The following ATP9A variants were observed in gnomAD, a reference collection of about 807,000 sequenced individuals.
ATP9A encodes the protein ATPase phospholipid transporting 9A.
Under a neutral mutation model 144.1 loss-of-function variants are expected in ATP9A, and 52 were observed. The ratio of observed to expected loss-of-function variants is 0.36; its 90% CI spans 0.29 to 0.45. ATP9A has a LOEUF of 0.45. Among genes scored for constraint, ATP9A ranks in the 20% least tolerant of loss-of-function variants. The pLI is 1.00. For missense variants in ATP9A, 947 were observed against 1,392.7 expected (o/e 0.68, Z 5.09); for synonymous variants, 582 against 557.4 (o/e 1.04, Z -0.62).
chr20:51,726,889 C>CTTTTTTTTTTTTTTTTTTTTTTTTTTTTT, intron 2 of ATP9A, among the ~76,000 whole-genome samples: 1 of 93,984 alleles, frequency 1.1e-5, no homozygotes, highest in Non-Finnish European at 2.0e-5. Flanking sequence ...TGTGTTATTT[C>CTTTTTTTTTTTTTTTTTTTTTTTTTTTTT]TTTTTTTTTT....
At chr20:51,670,235 G>A in intron 12 of ATP9A, 126 bp from the exon 13 acceptor site, 1 of 698,318 alleles carries the variant, frequency 1.4e-6, no homozygotes, top group East Asian at 2.7e-5. Flanking sequence ...TACTGTCCCT[G>A]CTGGGGAAGA....
At chr20:51,638,538 C>A (rs73910794) in intron 15 of ATP9A, among the ~76,000 whole-genome samples, 3,334 of 152,040 alleles carry the variant, frequency 0.022, 66 homozygotes, top group African/African-American at 0.052. Context: ...AGCCTCCCCA[C>A]GACGGAAAGT....
chr20:51,606,662 G>A (rs918207590), intron 26 of ATP9A, among the ~76,000 whole-genome samples: 1 of 152,204 alleles, frequency 6.6e-6, no homozygotes, highest in Non-Finnish European at 1.5e-5. Flanking sequence ...CACAGCATGA[G>A]GTCATCTTGC....
chr20:51,696,238 G>A, intron 5 of ATP9A, 94 bp from the exon 6 acceptor site: 5 of 1,107,492 alleles, frequency 4.5e-6, no homozygotes, highest in Non-Finnish European at 5.4e-6. Flanking sequence ...CAACCCCTCG[G>A]TGGGTTGGGG....
intron 13 of ATP9A, among the ~76,000 whole-genome samples, chr20:51,661,481 A>G (rs1283568648): frequency 6.8e-6 from 1 of 146,946 alleles, no homozygotes; most frequent in Non-Finnish European, 1.5e-5. Flanking sequence ...CTCCCACCTC[A>G]GCCTTCTGAA....
At chr20:51,673,158 G>A (rs971749444) in intron 11 of ATP9A, among the ~76,000 whole-genome samples, 2 of 152,118 alleles carry the variant, frequency 1.3e-5, no homozygotes, top group East Asian at 3.8e-4. Flanking sequence ...TGGATCACTT[G>A]AGGTCAGGAG....
At chr20:51,682,577 CTTTTTTT>C (rs60505207) in intron 9 of ATP9A, among the ~76,000 whole-genome samples, 22 of 35,082 alleles carry the variant, frequency 6.3e-4, no homozygotes, top group East Asian at 2.0e-3. Context: ...TTCACTGTAT[CTTTTTTT>C]TTTTTTTTTT....
At chr20:51,681,332 C>A (rs2077498745) in intron 9 of ATP9A, among the ~76,000 whole-genome samples, 1 of 152,174 alleles carries the variant, frequency 6.6e-6, no homozygotes. Context: ...GATTTCTCTG[C>A]ATTTGCAGCT....
intron 7 of ATP9A, among the ~76,000 whole-genome samples, chr20:51,691,328 G>A (rs141577811): frequency 8.8e-4 from 134 of 152,316 alleles, no homozygotes; most frequent in African/African-American, 3.1e-3. Context: ...AATTAGCCAG[G>A]CATGGTGGCG....
At chr20:51,755,746 A>G (rs1253836281) in intron 1 of ATP9A, among the ~76,000 whole-genome samples, 1 of 152,266 alleles carries the variant, frequency 6.6e-6, no homozygotes, top group Admixed American at 6.5e-5. Context: ...GGCAGGTCAC[A>G]AGATCAAGAC....
In ATP9A at chr20:51,622,186, G is replaced by A. The variant is rs748908720; in HGVS notation, c.2017-14C>T. 1.2e-5 allele frequency: 20 copies of A among 1,608,564 alleles called. No individual in the cohort carries two copies. The highest frequency in any genetic ancestry group is 4.0e-5 in the African/African-American group (3 of 74,806). Reference sequence around the variant, plus strand: ...CAGCATCCAAACCTGAAATCATGGCGTGACAGAGGTCCTGTTTATTAGTTT... The same window carrying A: ...CAGCATCCAAACCTGAAATCATGGCATGACAGAGGTCCTGTTTATTAGTTT... On this transcript the variant is annotated splice_polypyrimidine_tract_variant and intron_variant, in intron 18 of 27. Coordinates refer to ENST00000338821, the MANE Select transcript of ATP9A (RefSeq NM_006045.3).
intron 4 of ATP9A, among the ~76,000 whole-genome samples, chr20:51,703,116 G>GT (rs1027792557): frequency 1.2e-4 from 18 of 151,976 alleles, no homozygotes; most frequent in African/African-American, 4.4e-4. Flanking sequence ...TCAGTTTTGT[G>GT]TTTTTTTAAA....
Position 51,697,372 on chromosome 20 carries a change from C to T in ATP9A, c.495+52G>A. ...TCGTCTACCAGATACACAAATGACACATTAGGACCCATGAAGTGGTATCCA... is the reference window on the plus strand; with the variant it reads ...TCGTCTACCAGATACACAAATGACATATTAGGACCCATGAAGTGGTATCCA... On this transcript the variant is annotated intron_variant, in intron 5 of 27. Transcript: ENST00000338821. 6 of 1,547,778 alleles carry T rather than the reference C, an allele frequency of 3.9e-6. No homozygotes were observed. The Middle Eastern group carries it at 5.1e-4, about 131-fold the overall frequency.
chr20:51,646,178 T>A lies in ATP9A; in HGVS notation c.1507-6674A>T, dbSNP rs180877672. Among the ~76,000 whole-genome samples the A allele has an allele frequency of 2.6e-5, 4 of 152,304 alleles. No individual in the cohort carries two copies. In the East Asian group the frequency reaches 7.7e-4, roughly 29 times the overall value. ...TGTGAGGGACTCAGGCCAGAAACCA[T>A]CCGTGAAAGGGCTTTTTCATCATTT... On this transcript the variant is annotated intron_variant, in intron 14 of 27. Transcript: ENST00000338821.
chr20:51,621,876 A>G (rs1007659795), intron 19 of ATP9A, among the ~76,000 whole-genome samples, 198 bp downstream of exon 19: 5 of 152,186 alleles, frequency 3.3e-5, no homozygotes, highest in Admixed American at 6.6e-5. Flanking sequence ...AGGTACTCCC[A>G]AACCACTACT....
rs1305860432 is a variant in ATP9A at position 51,596,663 on chromosome 20, C to T, written c.*4548G>A. 6.6e-6 allele frequency: 1 copy of T among 151,946 alleles called. No individual in the cohort carries two copies. Among genetic ancestry groups the T allele is most frequent in the Non-Finnish European group, 1.5e-5 (1 of 67,982 alleles). The allele number at this position is 151,946 out of a possible 1,614,324, so 9.4% of individuals were successfully genotyped here. ...AATTTTCTGAACTGGAAAGAGTTTT[C>T]TTTACATTTCATGTACCATGAAATA... On this transcript the variant is annotated 3_prime_UTR_variant, in exon 28 of 28. Coordinates refer to ENST00000338821, the MANE Select transcript of ATP9A (RefSeq NM_006045.3).
intron 17 of ATP9A, among the ~76,000 whole-genome samples, chr20:51,627,255 A>G (rs965951782): frequency 6.6e-6 from 1 of 152,034 alleles, no homozygotes; most frequent in Non-Finnish European, 1.5e-5. Context: ...TTTGGCCCCA[A>G]ATGGTAGCAC....
At chr20:51,711,232 A>C (rs999656685) in intron 4 of ATP9A, among the ~76,000 whole-genome samples, 2 of 152,160 alleles carry the variant, frequency 1.3e-5, no homozygotes, top group African/African-American at 4.8e-5. Flanking sequence ...AGATGTGCAT[A>C]TTTTTAAGAC....
At chr20:51,625,605 G>A (rs908418168) in intron 17 of ATP9A, among the ~76,000 whole-genome samples, 2 of 152,174 alleles carry the variant, frequency 1.3e-5, no homozygotes, top group Non-Finnish European at 2.9e-5. Context: ...GAGACTTCCA[G>A]CAAGTCACTT....
Sources: gnomAD v4.1 joint callset for allele counts (sites outside exome capture counted in the v4.1 genomes callset) on GRCh38, gnomAD v4.1.1 for gene constraint, MANE v1.5 for transcripts, NCBI Gene and HGNC (gene_info 2026-07-23, HGNC 2026-07-21) for gene names.